ZHX2: variants seen among roughly 807,000 people sequenced by gnomAD.
The protein encoded by ZHX2 is zinc fingers and homeoboxes protein 2.
Under a neutral mutation model 21.9 loss-of-function variants are expected in ZHX2, and 6 were observed. The ratio of observed to expected loss-of-function variants is 0.27; its 90% confidence interval spans 0.15 to 0.54. ZHX2 has a LOEUF of 0.54. ZHX2 is among the 20% of genes least tolerant of loss of function. The pLI is 0.95. For missense variants in ZHX2, 908 were observed against 1,090.7 expected, an observed-to-expected ratio of 0.83 and a Z score of 2.36; for synonymous variants, 434 against 437.1, an observed-to-expected ratio of 0.99 and a Z score of 0.09.
intron 2 of ZHX2, among the ~76,000 whole-genome samples, chr8:122,865,590 T>C (rs1819272577): frequency 6.6e-6 from 1 of 152,176 alleles, no homozygotes; most frequent in Non-Finnish European, 1.5e-5. Flanking sequence ...GCATGGTCCC[T>C]GGAGTCAGAA....
chr8:122,900,342 A>G (rs960805642), intron 2 of ZHX2, among the ~76,000 whole-genome samples: 1 of 152,190 alleles, frequency 6.6e-6, no homozygotes, highest in African/African-American at 2.4e-5. Flanking sequence ...GGGAGAAAGC[A>G]AGAGAGTCAG....
intron 3 of ZHX2, among the ~76,000 whole-genome samples, chr8:122,960,599 G>T (rs1813417537): frequency 6.6e-6 from 1 of 152,066 alleles, no homozygotes; most frequent in African/African-American, 2.4e-5. Context: ...AAACCAAAGG[G>T]TTAGACCAAC....
At chr8:122,807,229 A>G (rs546100433) in intron 1 of ZHX2, among the ~76,000 whole-genome samples, 4 of 152,356 alleles carry the variant, frequency 2.6e-5, no homozygotes, top group Admixed American at 6.5e-5. Context: ...CACAAATTAT[A>G]TCAACATCAC....
intron 1 of ZHX2, among the ~76,000 whole-genome samples, chr8:122,852,464 G>A (rs1053440797): frequency 2.0e-5 from 3 of 152,022 alleles, no homozygotes; most frequent in African/African-American, 7.2e-5. Context: ...TAGTCACCGA[G>A]ACACAGAGAT....
intron 2 of ZHX2, among the ~76,000 whole-genome samples, chr8:122,945,156 T>C (rs958650901): frequency 1.3e-5 from 2 of 152,136 alleles, no homozygotes; most frequent in South Asian, 2.1e-4. Context: ...CATTTTGTCA[T>C]GGCAGCCCTA....
chr8:122,876,002 CCATCCATCCATCCCATT>C (rs1819562484), intron 2 of ZHX2, among the ~76,000 whole-genome samples: 2 of 152,212 alleles, frequency 1.3e-5, no homozygotes, highest in Admixed American at 1.3e-4. Flanking sequence ...GTTTTGGCAT[CCATCCATCCATCCCATT>C]CATCCATCCA....
intron 1 of ZHX2, among the ~76,000 whole-genome samples, chr8:122,821,975 G>A (rs982902262): frequency 5.9e-5 from 9 of 152,074 alleles, no homozygotes; most frequent in African/African-American, 2.2e-4. Flanking sequence ...AAAGTGCTGG[G>A]ATTACAGGTA....
intron 2 of ZHX2, among the ~76,000 whole-genome samples, chr8:122,918,668 C>T (rs983199329): frequency 1.5e-4 from 23 of 152,226 alleles, no homozygotes; most frequent in African/African-American, 4.3e-4. Context: ...TCTTTACGTC[C>T]GGGCGCGGTG....
intron 2 of ZHX2, among the ~76,000 whole-genome samples, chr8:122,936,074 T>C (rs1812681467): frequency 6.6e-6 from 1 of 152,220 alleles, no homozygotes; most frequent in South Asian, 2.1e-4. Context: ...GAGCTATGTT[T>C]ATATTTCTAT....
intron 2 of ZHX2, among the ~76,000 whole-genome samples, chr8:122,947,281 C>T (rs920736067): frequency 6.6e-6 from 1 of 150,492 alleles, no homozygotes; most frequent in African/African-American, 2.4e-5. Flanking sequence ...AAAAAAAAAC[C>T]TTTCTGCCTT....
chr8:122,969,473 G>A (rs1228848175), intron 3 of ZHX2, among the ~76,000 whole-genome samples: 3 of 152,132 alleles, frequency 2.0e-5, no homozygotes, highest in African/African-American at 4.8e-5. Flanking sequence ...ACAGTAACAT[G>A]AGTGTATGCA....
intron 1 of ZHX2, among the ~76,000 whole-genome samples, chr8:122,800,501 C>G (rs1817698157): frequency 6.6e-6 from 1 of 152,212 alleles, no homozygotes; most frequent in South Asian, 2.1e-4. Context: ...GCGGCCACCC[C>G]TTGTGCAGAG....
At chr8:122,963,789 A>G (rs762388443) in intron 3 of ZHX2, among the ~76,000 whole-genome samples, 1 of 151,810 alleles carries the variant, frequency 6.6e-6, no homozygotes, top group South Asian at 2.1e-4. Flanking sequence ...TGTGTCATCT[A>G]TGGTTTATTT....
chr8:122,882,226 C>A (rs1439821148), intron 2 of ZHX2, among the ~76,000 whole-genome samples: 3 of 151,966 alleles, frequency 2.0e-5, no homozygotes, highest in Non-Finnish European at 4.4e-5. Context: ...CTTAGGCAAG[C>A]TTTGCACTGC....
chr8:122,833,112 G>A (rs1364383652), intron 1 of ZHX2, among the ~76,000 whole-genome samples: 1 of 152,170 alleles, frequency 6.6e-6, no homozygotes, highest in Non-Finnish European at 1.5e-5. Flanking sequence ...TTGGGAATTC[G>A]AGTGTAAAGG....
At chr8:122,781,024 G>A (rs1586567290), upstream of ZHX2, 1 of 152,196 alleles carries the variant, frequency 6.6e-6, no homozygotes, top group Non-Finnish European at 1.5e-5. This position sits in a 1 kb window ranked among gnomAD's most constrained non-coding sequence, Gnocchi z 4.6. Context: ...CCCTCCCTAC[G>A]CCGAGCCTTC....
intron 1 of ZHX2, among the ~76,000 whole-genome samples, chr8:122,859,607 GT>G (rs1338872780): frequency 1.5e-4 from 23 of 152,214 alleles, no homozygotes; most frequent in African/African-American, 5.5e-4. Flanking sequence ...GGGGAGGGGA[GT>G]GGGGAGAGAT....
chr8:122,782,745 GC>G lies in ZHX2; in HGVS notation c.-283+800del. Among the ~76,000 whole-genome samples the G allele has an allele frequency of 6.6e-6, 1 of 152,152 alleles. No homozygotes were observed. The highest frequency in any genetic ancestry group is 1.9e-4 in the East Asian group (1 of 5,158). ...GTCCGCGCGGGGCGGGGGGCCGAGG[GC>G]GGCCGCGGGACCCCCGGCCCTGCTG... On this transcript the variant is annotated intron_variant, in intron 1 of 3. Coordinates refer to ENST00000314393, the MANE Select transcript of ZHX2 (RefSeq NM_014943.5). This position sits in a 1 kb window ranked among gnomAD's most constrained non-coding sequence, Gnocchi z 5.3.
intron 2 of ZHX2, among the ~76,000 whole-genome samples, chr8:122,875,410 G>T (rs921382116): frequency 6.6e-6 from 1 of 151,982 alleles, no homozygotes; most frequent in African/African-American, 2.4e-5. Flanking sequence ...GCCCTTGACT[G>T]AAAAAGTTTG....
Sources: gnomAD v4.1 joint callset for allele counts (sites outside exome capture counted in the v4.1 genomes callset) on GRCh38, gnomAD v4.1.1 for gene constraint, Gnocchi (gnomAD v3.1) non-coding constraint, MANE v1.5 for transcripts, NCBI Gene and HGNC (gene_info 2026-07-23, HGNC 2026-07-21) for gene names.